Variants in CNGB3 observed in about 807,000 individuals in gnomAD.
The protein encoded by CNGB3 is cyclic nucleotide-gated channel beta-3.
CNGB3 carries 86 observed loss-of-function variants against 92.8 expected under a neutral mutation model. The observed-to-expected ratio is 0.93, with a 90% CI of 0.78 to 1.11. The LOEUF is 1.11. CNGB3 is among the 50% of genes least tolerant of loss of function. The pLI, the probability that CNGB3 is intolerant of heterozygous loss-of-function variation, is 0.00. For synonymous variants in CNGB3, 333 were observed against 332.7 expected (o/e 1.00, Z -0.01); for missense variants, 1,026 against 956.8 (o/e 1.07, Z -0.95).
chr8:86,703,312 AAG>A (rs1452426091), intron 3 of CNGB3, among the ~76,000 whole-genome samples: 4 of 152,338 alleles, frequency 2.6e-5, no homozygotes, highest in Non-Finnish European at 4.4e-5. Flanking sequence ...AAATGAAAAA[AAG>A]AGAGTTTGTC....
intron 3 of CNGB3, among the ~76,000 whole-genome samples, chr8:86,719,997 C>T (rs1241888695): frequency 6.6e-6 from 1 of 152,118 alleles, no homozygotes; most frequent in Non-Finnish European, 1.5e-5. Flanking sequence ...AAAATCAACT[C>T]AAGATGGATC....
chr8:86,646,514 G>A lies in CNGB3; in HGVS notation c.990+1287C>T, dbSNP rs542270694. The stretch of plus-strand genomic sequence containing the variant: ...CGCCATGCTAATTCTCATTTTCTTC[G>A]TCTCTAAAATGAAGTTGTTGGGAGG... On this transcript the variant is annotated intron_variant, in intron 8 of 17. Coordinates refer to ENST00000320005, the MANE Select transcript of CNGB3 (RefSeq NM_019098.5). Among the ~76,000 whole-genome samples, 197 of 151,078 alleles carry A rather than the reference G, an allele frequency of 1.3e-3. 1 individual carries two copies. The highest frequency in any genetic ancestry group is 4.1e-3 in the African/African-American group (171 of 41,380).
chr8:86,602,341 A>G (rs987392666), intron 15 of CNGB3, among the ~76,000 whole-genome samples: 2 of 152,222 alleles, frequency 1.3e-5, no homozygotes, highest in African/African-American at 4.8e-5. Flanking sequence ...GAGAAGCCAC[A>G]TTAACAACAG....
intron 14 of CNGB3, among the ~76,000 whole-genome samples, chr8:86,610,734 T>G (rs2131564911): frequency 6.6e-6 from 1 of 152,360 alleles, no homozygotes; most frequent in South Asian, 2.1e-4. Flanking sequence ...TATCTTTGGT[T>G]GAGTCTGTCA....
At chr8:86,741,737 G>A (rs949561506) in intron 1 of CNGB3, among the ~76,000 whole-genome samples, 1 of 152,104 alleles carries the variant, frequency 6.6e-6, no homozygotes, top group Admixed American at 6.5e-5. Flanking sequence ...AATTATGGCT[G>A]TTGGAATGGC....
chr8:86,675,518 C>T (rs1461660860), intron 3 of CNGB3, among the ~76,000 whole-genome samples: 4 of 152,164 alleles, frequency 2.6e-5, no homozygotes, highest in South Asian at 2.1e-4. Flanking sequence ...TGAGCTCAAG[C>T]AATCTTCCCA....
intron 12 of CNGB3, among the ~76,000 whole-genome samples, 177 bp from the exon 13 acceptor site, chr8:86,626,257 A>G (rs1822846013): frequency 6.6e-6 from 1 of 152,112 alleles, no homozygotes; most frequent in Admixed American, 6.6e-5. Context: ...CATACCTATT[A>G]CAATAACACT....
At chr8:86,698,463 G>C (rs1374406909) in intron 3 of CNGB3, among the ~76,000 whole-genome samples, 1 of 152,180 alleles carries the variant, frequency 6.6e-6, no homozygotes, top group Non-Finnish European at 1.5e-5. Context: ...CAAAGATAGA[G>C]AAAACAATCG....
At chr8:86,597,025 G>C (rs915506890) in intron 15 of CNGB3, among the ~76,000 whole-genome samples, 1 of 151,904 alleles carries the variant, frequency 6.6e-6, no homozygotes, top group Non-Finnish European at 1.5e-5. Context: ...GGGGCCTGTC[G>C]GGGGTGGGGG....
chr8:86,579,731 T>G (rs1227979695), intron 15 of CNGB3, among the ~76,000 whole-genome samples: 1 of 152,192 alleles, frequency 6.6e-6, no homozygotes, highest in Non-Finnish European at 1.5e-5. Flanking sequence ...TCTCCCCTGT[T>G]ATTTTCCTGC....
At chr8:86,680,857 G>C (rs1243957518) in intron 3 of CNGB3, among the ~76,000 whole-genome samples, 3 of 151,992 alleles carry the variant, frequency 2.0e-5, no homozygotes, top group African/African-American at 7.3e-5. Flanking sequence ...AATAAATGGG[G>C]GACATTGTCT....
chr8:86,715,398 C>G (rs770775896), intron 3 of CNGB3, among the ~76,000 whole-genome samples: 4 of 152,064 alleles, frequency 2.6e-5, no homozygotes, highest in Non-Finnish European at 5.9e-5. Context: ...CTAGTACCAC[C>G]CTGAAGTCCT....
At chr8:86,667,380 C>T (rs77269755) in intron 5 of CNGB3, among the ~76,000 whole-genome samples, 2,612 of 152,270 alleles carry the variant, frequency 0.017, 72 homozygotes, top group African/African-American at 0.06. Flanking sequence ...AAGAAGTGGC[C>T]CCTCTGAGTC....
intron 2 of CNGB3, among the ~76,000 whole-genome samples, chr8:86,731,156 A>G (rs922362021): frequency 1.3e-5 from 2 of 152,236 alleles, no homozygotes; most frequent in African/African-American, 4.8e-5. Flanking sequence ...CTTACCAATG[A>G]ATTAACAAAA....
At chr8:86,694,135 C>T (rs1824385777) in intron 3 of CNGB3, among the ~76,000 whole-genome samples, 1 of 137,938 alleles carries the variant, frequency 7.2e-6, no homozygotes. Flanking sequence ...GCTGACCCCC[C>T]CACCTCCCTC....
At chr8:86,667,207 G>A in intron 5 of CNGB3, 74 bp from the exon 6 acceptor site, 10 of 1,337,184 alleles carry the variant, frequency 7.5e-6, no homozygotes, top group Non-Finnish European at 1.1e-5. Context: ...CTTAGTTTGG[G>A]GAGGTTGGGG....
intron 3 of CNGB3, among the ~76,000 whole-genome samples, chr8:86,706,421 A>G (rs2131653003): frequency 6.6e-6 from 1 of 152,374 alleles, no homozygotes; most frequent in Admixed American, 6.5e-5. Context: ...TTTTAAAAGC[A>G]TGTGAGTAAA....
intron 3 of CNGB3, among the ~76,000 whole-genome samples, chr8:86,696,350 G>A (rs947337234): frequency 1.3e-5 from 2 of 152,140 alleles, no homozygotes; most frequent in Admixed American, 1.3e-4. Context: ...GCCCTGAGTT[G>A]GCCAGGATGA....
At chr8:86,671,725 T>G (rs562957452) in intron 3 of CNGB3, among the ~76,000 whole-genome samples, 4 of 152,200 alleles carry the variant, frequency 2.6e-5, no homozygotes, top group Non-Finnish European at 5.9e-5. Flanking sequence ...CTGAGAGTGA[T>G]TCCTGGCTAG....
Sources: allele counts gnomAD v4.1 joint callset (sites outside exome capture counted in the v4.1 genomes callset), GRCh38; gene constraint gnomAD v4.1.1; transcripts MANE v1.5; gene names NCBI Gene and HGNC (gene_info 2026-07-23, HGNC 2026-07-21).